Variants in AGBL4 observed in about 807,000 individuals in gnomAD.
The protein encoded by AGBL4 is cytosolic carboxypeptidase 6.
In AGBL4, 58 loss-of-function variants were observed where a neutral mutation model predicts 66.4. That is an observed-to-expected ratio of 0.87 (90% CI 0.71 to 1.09). AGBL4 has a LOEUF of 1.09. Among genes scored for constraint, AGBL4 ranks in the 50% least tolerant of loss-of-function variants. AGBL4 has a pLI of 0.00. For missense variants in AGBL4, 579 were observed against 631.0 expected (o/e 0.92, Z 0.88); for synonymous variants, 234 against 222.9 (o/e 1.05, Z -0.44).
At chr1:49,619,525 G>A (rs777863245) in intron 3 of AGBL4, among the ~76,000 whole-genome samples, 17 of 152,106 alleles carry the variant, frequency 1.1e-4, no homozygotes, top group Non-Finnish European at 1.0e-4. Context: ...AATCAATATC[G>A]TGAAAATGGC....
intron 3 of AGBL4, among the ~76,000 whole-genome samples, chr1:49,359,889 A>G (rs1644101449): frequency 6.6e-6 from 1 of 152,172 alleles, no homozygotes. Context: ...ATCCTGGGAC[A>G]TAGTACTTCA....
At chr1:49,809,121 A>G (rs1038184465) in intron 2 of AGBL4, among the ~76,000 whole-genome samples, 3 of 152,182 alleles carry the variant, frequency 2.0e-5, no homozygotes, top group Non-Finnish European at 2.9e-5. Flanking sequence ...GTTTTCAACT[A>G]CACAGGAAAA....
rs115208226 is a variant in AGBL4 at position 48,561,043 on chromosome 1, C to T, written c.1268-21305G>A. ...CTGCAGTGCTAGTCATTCCCTAATG[C>T]TCCATTATCATCCATATCTTTGCCC... On this transcript the variant is annotated intron_variant, in intron 11 of 13. Transcript: ENST00000371839. Among the ~76,000 whole-genome samples the T allele has an allele frequency of 4.1e-3, 621 of 152,356 alleles. 5 individuals are homozygous for T. The highest frequency in any genetic ancestry group is 0.014 in the African/African-American group (583 of 41,586).
chr1:49,892,704 G>A (rs1050996610), intron 1 of AGBL4, among the ~76,000 whole-genome samples: 67 of 152,190 alleles, frequency 4.4e-4, no homozygotes, highest in African/African-American at 1.5e-3. Context: ...TCTCCCTGAA[G>A]TCCTTACAAA....
chr1:49,650,726 T>C (rs1002761424), intron 3 of AGBL4, among the ~76,000 whole-genome samples: 1 of 152,166 alleles, frequency 6.6e-6, no homozygotes, highest in Non-Finnish European at 1.5e-5. Flanking sequence ...CCCTAGGAGA[T>C]GGAGGAGCAC....
At chr1:49,312,849 A>G (rs755621175) in intron 3 of AGBL4, among the ~76,000 whole-genome samples, 4 of 152,134 alleles carry the variant, frequency 2.6e-5, no homozygotes, top group Non-Finnish European at 4.4e-5. Context: ...GATGCGGAGC[A>G]ATAGGAATTT....
chr1:49,128,577 A>G (rs1645813581), intron 4 of AGBL4, among the ~76,000 whole-genome samples: 1 of 152,120 alleles, frequency 6.6e-6, no homozygotes, highest in African/African-American at 2.4e-5. Flanking sequence ...AATGTGGTCA[A>G]TTGATTTTTG....
intron 2 of AGBL4, among the ~76,000 whole-genome samples, chr1:49,779,080 C>A (rs1644271438): frequency 2.0e-5 from 3 of 152,086 alleles, no homozygotes; most frequent in African/African-American, 4.8e-5. Context: ...TCAATAGAAG[C>A]AGACCAGAGA....
intron 3 of AGBL4, among the ~76,000 whole-genome samples, chr1:49,577,724 A>G (rs1269653603): frequency 6.6e-6 from 1 of 152,248 alleles, no homozygotes; most frequent in African/African-American, 2.4e-5. Flanking sequence ...GCTCAGGCTC[A>G]TGGAATTCAC....
intron 4 of AGBL4, among the ~76,000 whole-genome samples, chr1:49,075,243 A>G (rs1275128993): frequency 6.6e-6 from 1 of 152,232 alleles, no homozygotes; most frequent in Non-Finnish European, 1.5e-5. Flanking sequence ...AGAGAAAATG[A>G]AGACCAGAAA....
At chr1:48,715,132 G>A (rs1647029042) in intron 6 of AGBL4, among the ~76,000 whole-genome samples, 1 of 152,166 alleles carries the variant, frequency 6.6e-6, no homozygotes, top group African/African-American at 2.4e-5. Flanking sequence ...ACTGAAGGAA[G>A]TGGGGGTAGC....
chr1:49,129,188 A>C (rs1025124586), intron 4 of AGBL4, among the ~76,000 whole-genome samples: 2 of 152,114 alleles, frequency 1.3e-5, no homozygotes, highest in Non-Finnish European at 2.9e-5. Context: ...CTACAATTAA[A>C]AATATTGACA....
At chr1:49,085,372 T>G (rs1644887706) in intron 4 of AGBL4, among the ~76,000 whole-genome samples, 1 of 151,986 alleles carries the variant, frequency 6.6e-6, no homozygotes, top group Non-Finnish European at 1.5e-5. Context: ...GCTCCCCTGG[T>G]TCTCAGGCCT....
At chr1:49,721,937 A>G (rs906107621) in intron 2 of AGBL4, among the ~76,000 whole-genome samples, 1 of 152,218 alleles carries the variant, frequency 6.6e-6, no homozygotes, top group African/African-American at 2.4e-5. Flanking sequence ...TATCTGAGAT[A>G]TGAGTTAATG....
rs1320535739 is a variant in AGBL4, at chr1:48,759,110, G to A, written c.635-95869C>T. 6.2e-7 allele frequency: 1 copy of A among 1,612,034 alleles called. No homozygotes were observed. Among genetic ancestry groups the A allele is most frequent in the Non-Finnish European group, 8.5e-7 (1 of 1,178,842 alleles). On this transcript the variant is annotated intron_variant, in intron 6 of 13. Coordinates refer to ENST00000371839, the MANE Select transcript of AGBL4 (RefSeq NM_032785.4). ...AGCAGCTCCTCATACAGAGCCCGGG[G>A]CACCACAGCATCTTCTAGACTGTCC...
chr1:48,574,401 A>G (rs952373310), intron 11 of AGBL4, among the ~76,000 whole-genome samples: 1 of 152,234 alleles, frequency 6.6e-6, no homozygotes, highest in Non-Finnish European at 1.5e-5. Context: ...TGTGGGGATC[A>G]AATGAAATGA....
rs371426870 is a variant in AGBL4 at position 49,593,884 on chromosome 1, TAG to T, written c.282+103427_282+103428del. On this transcript the variant is annotated intron_variant, in intron 3 of 13. Coordinates refer to ENST00000371839, the MANE Select transcript of AGBL4 (RefSeq NM_032785.4). Reference sequence around the variant, plus strand: ...AAAAAAAGCAGGACTTCAAAAAATATAGAGAGTATGCTAATATTAAAGCATTG... The same window carrying T: ...AAAAAAAGCAGGACTTCAAAAAATATAGAGTATGCTAATATTAAAGCATTG... Among the ~76,000 whole-genome samples the T allele has an allele frequency of 3.9e-4, 60 of 152,164 alleles. 1 individual carries two copies. The South Asian group carries it at 9.5e-3, about 24-fold the overall frequency.
intron 3 of AGBL4, among the ~76,000 whole-genome samples, chr1:49,620,416 A>T (rs1645337015): frequency 6.6e-6 from 1 of 152,206 alleles, no homozygotes; most frequent in Non-Finnish European, 1.5e-5. Context: ...AAGCACAATG[A>T]GATACCATCT....
chr1:49,846,916 T>G (rs1254944944), intron 2 of AGBL4, among the ~76,000 whole-genome samples: 2 of 152,174 alleles, frequency 1.3e-5, no homozygotes, highest in African/African-American at 2.4e-5. Context: ...TTAACAGAAC[T>G]AGATAAAGCA....
Sources: gnomAD v4.1 joint callset for allele counts (sites outside exome capture counted in the v4.1 genomes callset) on GRCh38, gnomAD v4.1.1 for gene constraint, MANE v1.5 for transcripts, NCBI Gene and HGNC (gene_info 2026-07-23, HGNC 2026-07-21) for gene names.